Variants in BCHE observed in about 807,000 individuals in gnomAD.
The protein encoded by BCHE is cholinesterase.
In BCHE, 48 loss-of-function variants were observed where a neutral mutation model predicts 51.3. That is an observed-to-expected ratio of 0.94 (90% CI 0.74 to 1.19). BCHE has a LOEUF of 1.19. Among genes scored for constraint, BCHE ranks in the 50% most tolerant of loss-of-function variants. The probability of loss-of-function intolerance (pLI) is 0.00; values close to 1 mark genes in which losing one functional copy is unlikely to be tolerated. For missense variants in BCHE, 847 were observed against 708.2 expected (o/e 1.20, Z -2.23); for synonymous variants, 251 against 238.0 (o/e 1.05, Z -0.50).
Position 165,830,287 on chromosome 3 carries a change from A to G in BCHE, c.747T>C (p.Ile249=). 6.2e-7 allele frequency: 1 copy of G among 1,614,018 alleles called. No individual in the cohort carries two copies. Among genetic ancestry groups the G allele is most frequent in the Non-Finnish European group, 8.5e-7 (1 of 1,179,946 alleles). Residue 249 remains isoleucine (I), a synonymous_variant, in exon 2 of 4, where the codon ATT becomes ATC. Coordinates refer to ENST00000264381, the MANE Select transcript of BCHE (RefSeq NM_000055.4). ...PGSHSLFTRA[I]LQSGSFNAPW... ...GAGCATTAAAGGATCCACTTTGCAGAATGGCTCTGGTGAACAATGAATGGC... is the reference window on the plus strand; with the variant it reads ...GAGCATTAAAGGATCCACTTTGCAGGATGGCTCTGGTGAACAATGAATGGC...
chr3:165,818,757 A>T (rs1714398486), intron 2 of BCHE, among the ~76,000 whole-genome samples: 1 of 152,124 alleles, frequency 6.6e-6, no homozygotes, highest in Non-Finnish European at 1.5e-5. Context: ...TTGCTTACAG[A>T]CTTATCTATA....
intron 1 of BCHE, among the ~76,000 whole-genome samples, chr3:165,832,899 T>A (rs1715042442): frequency 6.6e-6 from 1 of 152,186 alleles, no homozygotes; most frequent in Non-Finnish European, 1.5e-5. Flanking sequence ...AATTCACCAA[T>A]GGTCATAGGA....
chr3:165,796,414 T>C (rs1462579114), intron 2 of BCHE, among the ~76,000 whole-genome samples: 1 of 152,196 alleles, frequency 6.6e-6, no homozygotes, highest in East Asian at 1.9e-4. Flanking sequence ...ATCAGAAGTC[T>C]TCCTTTACTC....
chr3:165,795,236 T>G (rs892079957), intron 2 of BCHE, among the ~76,000 whole-genome samples: 1 of 152,228 alleles, frequency 6.6e-6, no homozygotes, highest in Admixed American at 6.5e-5. Flanking sequence ...AGCAAAACGT[T>G]TGACTTCAAT....
chr3:165,802,218 G>A (rs988087214), intron 2 of BCHE, among the ~76,000 whole-genome samples: 9 of 152,194 alleles, frequency 5.9e-5, no homozygotes, highest in African/African-American at 1.4e-4. Flanking sequence ...TTTGCAATAA[G>A]TGATATCAAG....
chr3:165,783,269 G>T (rs1219603161), intron 3 of BCHE, among the ~76,000 whole-genome samples: 1 of 151,946 alleles, frequency 6.6e-6, no homozygotes, highest in African/African-American at 2.4e-5. Context: ...GTAATTTTGA[G>T]CATGGGGTAA....
chr3:165,784,438 G>GA (rs1361917909), intron 3 of BCHE, among the ~76,000 whole-genome samples: 1 of 151,678 alleles, frequency 6.6e-6, no homozygotes, highest in Non-Finnish European at 1.5e-5. Flanking sequence ...GAATTAATTA[G>GA]AAAAAATGGT....
intron 2 of BCHE, among the ~76,000 whole-genome samples, chr3:165,814,525 G>T (rs11922868): frequency 6.6e-6 from 1 of 151,958 alleles, no homozygotes; most frequent in Admixed American, 6.6e-5. Context: ...AACCTGAAAC[G>T]TGCATGCTGA....
At chr3:165,816,119 T>C (rs1196690456) in intron 2 of BCHE, among the ~76,000 whole-genome samples, 2 of 151,846 alleles carry the variant, frequency 1.3e-5, no homozygotes, top group Admixed American at 1.3e-4. Flanking sequence ...CAAAGAAACA[T>C]TTGTCATACT....
rs150926952 is a variant in BCHE at position 165,786,612 on chromosome 3, A to C, written c.1518-301T>G. Among the ~76,000 whole-genome samples the C allele has an allele frequency of 7.0e-4, 106 of 151,912 alleles. 1 individual carries two copies. Among genetic ancestry groups the C allele is most frequent in the African/African-American group, 2.4e-3 (101 of 41,550 alleles). ...ATAAAATATATCTTCATTCACACTT[A>C]AACGTGCTCAAAGGGTGGTGTTACT... On this transcript the variant is annotated intron_variant, in intron 2 of 3. Transcript: ENST00000264381.
chr3:165,786,940 A>T (rs1712977297), intron 2 of BCHE, among the ~76,000 whole-genome samples: 1 of 151,718 alleles, frequency 6.6e-6, no homozygotes, highest in Admixed American at 6.6e-5. Flanking sequence ...ACATTTCCAA[A>T]TTTATTTTCA....
In BCHE at chr3:165,807,180, G is replaced by A. The variant is rs1270050413; in HGVS notation, c.1518-20869C>T. On this transcript the variant is annotated intron_variant, in intron 2 of 3. Coordinates refer to ENST00000264381, the MANE Select transcript of BCHE (RefSeq NM_000055.4). ...TAATTCATTTAAATTTTTCACACTGGTATTTTTTATAAGTTCATTGCAAAA... is the reference window on the plus strand; with the variant it reads ...TAATTCATTTAAATTTTTCACACTGATATTTTTTATAAGTTCATTGCAAAA... Among the ~76,000 whole-genome samples the A allele has an allele frequency of 4.0e-5, 6 of 151,812 alleles. 1 individual carries two copies. The East Asian group carries it at 1.2e-3, about 29-fold the overall frequency.
chr3:165,786,368 G>T, intron 2 of BCHE, 57 bp from the exon 3 acceptor site: 2 of 1,466,588 alleles, frequency 1.4e-6, no homozygotes, highest in Non-Finnish European at 9.4e-7. Flanking sequence ...AGATTAAAAA[G>T]AATATTGTTT....
intron 2 of BCHE, among the ~76,000 whole-genome samples, chr3:165,787,948 A>T (rs1281728431): frequency 6.6e-6 from 1 of 152,000 alleles, no homozygotes; most frequent in Non-Finnish European, 1.5e-5. Context: ...AGTGACAAAG[A>T]TAAGTAATTC....
In BCHE at chr3:165,773,208, G is replaced by A. The variant is rs886058154; in HGVS notation, c.*174C>T. 1 of 571,440 alleles carries A rather than the reference G, an allele frequency of 1.7e-6. No homozygotes were observed. Among genetic ancestry groups the A allele is most frequent in the South Asian group, 2.5e-5 (1 of 40,472 alleles). The allele number at this position is 571,440 out of a possible 1,614,324, so 35.4% of individuals were successfully genotyped here. On this transcript the variant is annotated 3_prime_UTR_variant, in exon 4 of 4. Coordinates refer to ENST00000264381, the MANE Select transcript of BCHE (RefSeq NM_000055.4). The stretch of plus-strand genomic sequence containing the variant: ...TAATTAAACACGTTCTAGCCATTTG[G>A]GTTTTGAAATGCTAGGTAAAATACT...
In BCHE at chr3:165,773,456, T is replaced by A; in HGVS notation, c.1735A>T (p.Asn579Tyr). 6.2e-7 allele frequency: 1 copy of A among 1,609,236 alleles called. No individual in the cohort carries two copies. The highest frequency in any genetic ancestry group is 8.5e-7 in the Non-Finnish European group (1 of 1,175,908). ...WEWKAGFHRW[N>Y]NYMMDWKNQF... ...TTTTTCCAGTCCATCATGTAATTGT[T>A]CCAGCGATGGAATCCTGCTTTCCAC... Residue 579 changes from asparagine (N) to tyrosine (Y), a missense_variant, in exon 4 of 4, where the codon AAC (asparagine) becomes TAC (tyrosine). By Grantham distance (143) the Asn-to-Tyr change is moderately radical. Coordinates refer to ENST00000264381, the MANE Select transcript of BCHE (RefSeq NM_000055.4).
intron 1 of BCHE, among the ~76,000 whole-genome samples, chr3:165,832,654 C>T (rs1463118538): frequency 5.9e-5 from 9 of 152,110 alleles, no homozygotes; most frequent in Non-Finnish European, 5.9e-5. Context: ...TTCTCATTCA[C>T]ATAATAATAA....
rs140804644 is a variant in BCHE at position 165,774,978 on chromosome 3, A to G, written c.1685-1472T>C. On this transcript the variant is annotated intron_variant, in intron 3 of 3. Coordinates refer to ENST00000264381, the MANE Select transcript of BCHE (RefSeq NM_000055.4). ...GGTATAAAGGCATAATAAGCAATAT[A>G]TATAACTGTGGTTTTCTTTTTAAAC... Among the ~76,000 whole-genome samples the G allele has an allele frequency of 8.5e-3, 1,299 of 152,320 alleles. 8 individuals carry two copies. Among genetic ancestry groups the G allele is most frequent in the Non-Finnish European group, 0.013 (869 of 68,020 alleles).
intron 3 of BCHE, among the ~76,000 whole-genome samples, chr3:165,785,406 T>C (rs1380912408): frequency 6.6e-6 from 1 of 151,822 alleles, no homozygotes; most frequent in Non-Finnish European, 1.5e-5. Flanking sequence ...GTCATATTTG[T>C]CAGAGAAGAT....
Sources: gnomAD v4.1 joint callset for allele counts (sites outside exome capture counted in the v4.1 genomes callset) on GRCh38, gnomAD v4.1.1 for gene constraint, MANE v1.5 for transcripts, NCBI Gene and HGNC (gene_info 2026-07-23, HGNC 2026-07-21) for gene names.